RPSA2: variants seen among roughly 807,000 people sequenced by gnomAD.
RPSA2 encodes the protein ribosomal protein SA 2, also known as small ribosomal subunit protein uS2B.
chr19:23,822,807 G>C, the RPSA2 span, among the ~76,000 whole-genome samples: 1 of 152,142 alleles, frequency 6.6e-6, no homozygotes, highest in Non-Finnish European at 1.5e-5. Context: ...GGTGCATAGG[G>C]AGGAGGGGTT....
At chr19:23,787,025 T>C in the RPSA2 span, among the ~76,000 whole-genome samples, 4 of 152,018 alleles carry the variant, frequency 2.6e-5, no homozygotes, top group African/African-American at 9.7e-5. Flanking sequence ...GTTGACATAT[T>C]ACTGGGCCCA....
the RPSA2 span, among the ~76,000 whole-genome samples, chr19:23,849,895 A>G: frequency 6.6e-6 from 1 of 152,136 alleles, no homozygotes; most frequent in Non-Finnish European, 1.5e-5. Context: ...TATTGAAAGT[A>G]TGGGGTATCT....
chr19:23,785,960 G>A, the RPSA2 span, among the ~76,000 whole-genome samples: 2 of 152,158 alleles, frequency 1.3e-5, no homozygotes, highest in Non-Finnish European at 2.9e-5. Context: ...GCACACAGGT[G>A]AGATTGTGGT....
the RPSA2 span, among the ~76,000 whole-genome samples, chr19:23,815,777 C>T: frequency 6.6e-6 from 1 of 151,946 alleles, no homozygotes; most frequent in Non-Finnish European, 1.5e-5. Flanking sequence ...CTATGTATTT[C>T]TTGCTTTACT....
At chr19:23,826,580 C>T in the RPSA2 span, among the ~76,000 whole-genome samples, 1 of 152,108 alleles carries the variant, frequency 6.6e-6, no homozygotes, top group Non-Finnish European at 1.5e-5. Context: ...GTCATAAAAT[C>T]TGTGTCTTTT....
At chr19:23,778,236 G>T in the RPSA2 span, among the ~76,000 whole-genome samples, 1 of 152,116 alleles carries the variant, frequency 6.6e-6, no homozygotes, top group African/African-American at 2.4e-5. Flanking sequence ...GTTTTTGATG[G>T]AGTTTCACTC....
the RPSA2 span, among the ~76,000 whole-genome samples, chr19:23,821,866 A>G: frequency 6.6e-6 from 1 of 152,168 alleles, no homozygotes; most frequent in African/African-American, 2.4e-5. Flanking sequence ...GCTGCCGCTA[A>G]CAGGTTGGCC....
At chr19:23,801,945 C>T in the RPSA2 span, among the ~76,000 whole-genome samples, 1 of 152,088 alleles carries the variant, frequency 6.6e-6, no homozygotes, top group South Asian at 2.1e-4. Context: ...TAGATTTCTC[C>T]TTTGATTGTA....
At chr19:23,856,544 A>G in the RPSA2 span, among the ~76,000 whole-genome samples, 4 of 152,302 alleles carry the variant, frequency 2.6e-5, no homozygotes, top group African/African-American at 9.6e-5. Context: ...GTCTGGACCA[A>G]TAAACATTTC....
chr19:23,839,149 A>T, the RPSA2 span, among the ~76,000 whole-genome samples: 1 of 152,070 alleles, frequency 6.6e-6, no homozygotes, highest in Non-Finnish European at 1.5e-5. Context: ...TATTGTCATT[A>T]AGTTGAAGAA....
the RPSA2 span, among the ~76,000 whole-genome samples, chr19:23,865,903 C>T: frequency 5.1e-4 from 77 of 152,314 alleles, no homozygotes; most frequent in African/African-American, 1.8e-3. Context: ...CTGTTAGAAT[C>T]GGTGTTCAGA....
At chr19:23,820,222 T>A in the RPSA2 span, among the ~76,000 whole-genome samples, 2 of 152,206 alleles carry the variant, frequency 1.3e-5, no homozygotes, top group African/African-American at 2.4e-5. Context: ...TGTTCACAAA[T>A]GGCTCATGTG....
At chr19:23,824,248 C>A in the RPSA2 span, among the ~76,000 whole-genome samples, 1 of 152,212 alleles carries the variant, frequency 6.6e-6, no homozygotes, top group South Asian at 2.1e-4. Context: ...CTAAAGCTGA[C>A]CTTGCAGCTG....
At chr19:23,835,649 T>C in the RPSA2 span, among the ~76,000 whole-genome samples, 1 of 152,092 alleles carries the variant, frequency 6.6e-6, no homozygotes, top group Non-Finnish European at 1.5e-5. Context: ...CTTGTTTTTT[T>C]CTTTTGAGAT....
chr19:23,768,519 ATC>A, the RPSA2 span, among the ~76,000 whole-genome samples: 19 of 145,032 alleles, frequency 1.3e-4, no homozygotes, highest in Non-Finnish European at 2.4e-4. Context: ...TTATTAAATT[ATC>A]TCTCATGGAA....
At chr19:23,810,334 C>T in the RPSA2 span, among the ~76,000 whole-genome samples, 2 of 135,164 alleles carry the variant, frequency 1.5e-5, no homozygotes, top group Admixed American at 8.8e-5. Context: ...GCAGAGCTTG[C>T]AGTGAACCGA....
chr19:23,844,288 T>G, the RPSA2 span, among the ~76,000 whole-genome samples: 3 of 152,228 alleles, frequency 2.0e-5, no homozygotes, highest in Non-Finnish European at 4.4e-5. Flanking sequence ...TTCTATATAT[T>G]TTGAATTTTA....
the RPSA2 span, among the ~76,000 whole-genome samples, chr19:23,806,364 G>A: frequency 2.0e-5 from 3 of 151,930 alleles, no homozygotes; most frequent in Non-Finnish European, 2.9e-5. Context: ...GATTTCTATG[G>A]GGAAAACCTG....
At chr19:23,790,819 T>C in the RPSA2 span, 1 of 538,904 alleles carries the variant, frequency 1.9e-6, no homozygotes, top group South Asian at 2.4e-5. Context: ...AAGGGCTGGT[T>C]GGAACTGGTG....
Sources: allele counts gnomAD v4.1 joint callset (sites outside exome capture counted in the v4.1 genomes callset), GRCh38; gene constraint gnomAD v4.1.1; transcripts MANE v1.5; gene names NCBI Gene and HGNC (gene_info 2026-07-23, HGNC 2026-07-21).